The following PHF24 variants were observed in gnomAD, a reference collection of about 807,000 sequenced individuals.
PHF24 encodes the protein Galpha inhibitory interacting protein.
In PHF24, 25 loss-of-function variants were observed where a neutral mutation model predicts 42.6. The ratio of observed to expected loss-of-function variants is 0.59; its 90% CI spans 0.43 to 0.82. The LOEUF (loss-of-function observed/expected upper bound fraction) is 0.82. Ranked by LOEUF, PHF24 falls within the 40% of genes least tolerant of loss-of-function variation. The pLI, the probability that PHF24 is intolerant of heterozygous loss-of-function variation, is 0.00. For missense variants in PHF24, 470 were observed against 538.1 expected (o/e 0.87, Z 1.25); for synonymous variants, 185 against 204.8 (o/e 0.90, Z 0.83).
the PHF24 span, among the ~76,000 whole-genome samples, chr9:34,924,508 T>C: frequency 6.6e-6 from 1 of 152,216 alleles, no homozygotes. Context: ...AATTGACCCC[T>C]TTTTCAACAT....
At chr9:34,938,603 T>A in the PHF24 span, among the ~76,000 whole-genome samples, 1 of 152,164 alleles carries the variant, frequency 6.6e-6, no homozygotes, top group Non-Finnish European at 1.5e-5. Flanking sequence ...CCCTGAAACA[T>A]AGTTTCCTCA....
chr9:34,831,352 C>G, the PHF24 span, among the ~76,000 whole-genome samples: 2 of 152,138 alleles, frequency 1.3e-5, no homozygotes, highest in Non-Finnish European at 2.9e-5. Context: ...GAGTAAGGAT[C>G]ATGGCAAGGA....
At chr9:34,745,870 T>A in the PHF24 span, among the ~76,000 whole-genome samples, 6 of 152,076 alleles carry the variant, frequency 3.9e-5, no homozygotes, top group Non-Finnish European at 8.8e-5. Context: ...AAAATATTTT[T>A]AAATAATGTT....
At chr9:34,773,576 A>G in the PHF24 span, among the ~76,000 whole-genome samples, 1 of 152,252 alleles carries the variant, frequency 6.6e-6, no homozygotes, top group Non-Finnish European at 1.5e-5. Flanking sequence ...TCACAAGTCT[A>G]CACTGATATA....
chr9:34,922,257 C>G, the PHF24 span: 14 of 1,592,398 alleles, frequency 8.8e-6, no homozygotes, highest in Admixed American at 1.7e-5. Context: ...CAAGTTGTCT[C>G]TCAGTAATTG....
chr9:34,680,687 C>CAAAAAA, the PHF24 span, among the ~76,000 whole-genome samples: 5 of 124,674 alleles, frequency 4.0e-5, no homozygotes, highest in Non-Finnish European at 8.5e-5. Flanking sequence ...GACTCCGTCT[C>CAAAAAA]AAAAAAAAAA....
At chr9:34,702,280 GCAGA>G in the PHF24 span, among the ~76,000 whole-genome samples, 8 of 152,182 alleles carry the variant, frequency 5.3e-5, no homozygotes, top group African/African-American at 1.9e-4. Flanking sequence ...TTTTCCTGTA[GCAGA>G]CAGAGGACTG....
Position 34,972,629 on chromosome 9 carries a change from C to T in PHF24, c.564+98C>T. On this transcript the variant is annotated intron_variant, in intron 3 of 7. Coordinates refer to ENST00000242315, the Ensembl canonical transcript of PHF24. ...TTAGGCAGTGACCTAAAGAATTTTC[C>T]AATGGGCTGGGCGCGGTGGCTCATG... 4.0e-6 allele frequency: 5 copies of T among 1,244,916 alleles called. No individual in the cohort carries two copies. In the South Asian group the frequency reaches 7.9e-5, roughly 20 times the overall value. 77.1% of individuals were successfully genotyped at this position (1,244,916 alleles called of 1,614,324 possible).
chr9:34,665,813 G>A, the PHF24 span: 1 of 624,528 alleles, frequency 1.6e-6, no homozygotes, highest in African/African-American at 1.8e-5. Flanking sequence ...TGCCACCACG[G>A]GACAGGGTGG....
Position 34,971,668 on chromosome 9 carries a change from A to G in PHF24, c.370A>G (p.Arg124Gly), listed in dbSNP as rs774811845. 2.5e-6 allele frequency: 4 copies of G among 1,609,020 alleles called. No homozygotes were observed. The African/African-American group carries it at 4.0e-5, about 16-fold the overall frequency. ...ACCTCCAGAAATCTGCCTGGAGCCCAGAGAGCCTGTGAGTATCCAGTTAGG... is the reference window on the plus strand; with the variant it reads ...ACCTCCAGAAATCTGCCTGGAGCCCGGAGAGCCTGTGAGTATCCAGTTAGG... The change falls in exon 2 of 8, where the codon AGA becomes GGA. Residue 124 changes from arginine to glycine, a missense_variant. By Grantham distance (125) the Arg-to-Gly change is moderately radical. Transcript: ENST00000242315.
At chr9:34,750,965 C>G in the PHF24 span, among the ~76,000 whole-genome samples, 1 of 151,924 alleles carries the variant, frequency 6.6e-6, no homozygotes, top group Admixed American at 6.6e-5. Context: ...AAAACAAGAC[C>G]CAGTGATTTG....
At chr9:34,919,495 T>C in the PHF24 span, among the ~76,000 whole-genome samples, 2 of 152,082 alleles carry the variant, frequency 1.3e-5, no homozygotes, top group African/African-American at 4.8e-5. Context: ...CATTCTACTA[T>C]CTTCATGAGA....
chr9:34,789,072 T>C, the PHF24 span, among the ~76,000 whole-genome samples: 1 of 151,904 alleles, frequency 6.6e-6, no homozygotes, highest in Non-Finnish European at 1.5e-5. Context: ...GCAGACCAAC[T>C]AACAGTAAGG....
intron 2 of PHF24, among the ~76,000 whole-genome samples, chr9:34,971,965 G>A (rs1392128809): frequency 6.6e-6 from 1 of 152,122 alleles, no homozygotes; most frequent in Admixed American, 6.5e-5. Context: ...ACTACACCCT[G>A]CGGGAGGCAA....
At chr9:34,774,027 T>C in the PHF24 span, among the ~76,000 whole-genome samples, 1 of 152,218 alleles carries the variant, frequency 6.6e-6, no homozygotes, top group African/African-American at 2.4e-5. Context: ...TAATGTAAGA[T>C]GTCATCAACA....
chr9:34,729,080 A>G, the PHF24 span, among the ~76,000 whole-genome samples: 1 of 152,336 alleles, frequency 6.6e-6, no homozygotes, highest in Non-Finnish European at 1.5e-5. Flanking sequence ...CAAACCAAAT[A>G]GAGAGGTTCT....
the PHF24 span, among the ~76,000 whole-genome samples, chr9:34,774,688 G>T: frequency 1.2e-4 from 18 of 152,176 alleles, no homozygotes; most frequent in African/African-American, 4.1e-4. Context: ...CAGGAGAATC[G>T]CTTGAACCTG....
At chr9:34,838,503 C>A in the PHF24 span, 2 of 1,338,932 alleles carry the variant, frequency 1.5e-6, no homozygotes, top group Admixed American at 4.0e-5. Flanking sequence ...TGGTCTAAAC[C>A]TCATTAGCAT....
chr9:34,936,465 G>T, the PHF24 span, among the ~76,000 whole-genome samples: 20 of 152,078 alleles, frequency 1.3e-4, no homozygotes, highest in Non-Finnish European at 1.8e-4. Context: ...AAAATGCCGA[G>T]ATTGCAGCCT....
Sources: gnomAD v4.1 joint callset for allele counts (sites outside exome capture counted in the v4.1 genomes callset) on GRCh38, gnomAD v4.1.1 for gene constraint, MANE v1.5 for transcripts, NCBI Gene and HGNC (gene_info 2026-07-23, HGNC 2026-07-21) for gene names.